Variants in PALLD observed in about 807,000 individuals in gnomAD.
PALLD encodes the protein palladin, cytoskeletal associated protein.
In PALLD, 61 loss-of-function variants were observed where a neutral mutation model predicts 123.5. The ratio of observed to expected loss-of-function variants is 0.49; its 90% confidence interval spans 0.40 to 0.61. PALLD has a LOEUF of 0.61. Ranked by LOEUF, PALLD falls within the 20% of genes least tolerant of loss-of-function variation. The probability of loss-of-function intolerance (pLI) is 0.00; values close to 1 mark genes in which losing one functional copy is unlikely to be tolerated. For synonymous variants in PALLD, 465 were observed against 496.4 expected, an observed-to-expected ratio of 0.94 and a Z score of 0.84; for missense variants, 1,273 against 1,377.0, an observed-to-expected ratio of 0.92 and a Z score of 1.20.
At position 168,556,842 on chromosome 4, in the gene PALLD, C is replaced by T. The variant is rs572137612; in HGVS notation, c.908+44430C>T. On this transcript the variant is annotated intron_variant, in intron 2 of 21. Coordinates refer to ENST00000505667, the MANE Select transcript of PALLD (RefSeq NM_001166108.2). ...CTTTGCCTCTTAGGTGCAGGGTACT[C>T]CATACTCTCGTGACTAAGGCATGAA... Among the ~76,000 whole-genome samples, 7 of 151,730 alleles carry T rather than the reference C, an allele frequency of 4.6e-5. No individual in the cohort carries two copies. In the South Asian group the frequency reaches 6.2e-4, roughly 14 times the overall value.
At position 168,730,479 on chromosome 4, in the gene PALLD, CT is replaced by C. The variant is rs756908348; in HGVS notation, c.1964+18564del. Among the ~76,000 whole-genome samples, 19 of 151,656 alleles carry C rather than the reference CT, an allele frequency of 1.3e-4. 1 individual carries two copies. In the South Asian group the frequency reaches 2.1e-3, roughly 17 times the overall value. On this transcript the variant is annotated intron_variant, in intron 10 of 21. Coordinates refer to ENST00000505667, the MANE Select transcript of PALLD (RefSeq NM_001166108.2). Reference sequence around the variant, plus strand: ...GCATTGTCTCTATTTCTTAAAATTCCTTTTTTTTGTTGTTGTTTTTCTGTGT... The same window carrying C: ...GCATTGTCTCTATTTCTTAAAATTCCTTTTTTTGTTGTTGTTTTTCTGTGT...
rs879411684 is a variant in PALLD at position 168,811,774 on chromosome 4, T to TCACACA, written c.1965-79147_1965-79146insACACAC. ...CTCTCTCTTTCTCTCTCTCTCTCTC[T>TCACACA]CTCACACACACACACACACACACAC... On this transcript the variant is annotated intron_variant, in intron 10 of 21. Transcript: ENST00000505667. Among the ~76,000 whole-genome samples, 399 of 109,472 alleles carry TCACACA rather than the reference T, an allele frequency of 3.6e-3. 4 individuals carry two copies. The East Asian group carries it at 0.047, about 13-fold the overall frequency. 71.8% of individuals were successfully genotyped at this position (109,472 alleles called of 152,430 possible). A position where few individuals can be genotyped will look rare whatever the true frequency, so the allele number is the denominator to read the frequency against.
chr4:168,528,252 G>A (rs1030723543), intron 2 of PALLD, among the ~76,000 whole-genome samples: 1 of 152,130 alleles, frequency 6.6e-6, no homozygotes, highest in African/African-American at 2.4e-5. Context: ...AATTGCTAAG[G>A]ATTACTCACA....
At chr4:168,909,627 G>A (rs1758491554) in intron 15 of PALLD, among the ~76,000 whole-genome samples, 1 of 152,058 alleles carries the variant, frequency 6.6e-6, no homozygotes. Flanking sequence ...TTATTCTTAT[G>A]TTCATAGTAA....
chr4:168,921,771 G>T, intron 18 of PALLD, 30 bp downstream of exon 18: 1 of 1,520,036 alleles, frequency 6.6e-7, no homozygotes, highest in South Asian at 1.1e-5. Flanking sequence ...CTTGCTCTCT[G>T]ACAGAATGAA....
At chr4:168,565,321 T>A (rs1768264209) in intron 2 of PALLD, among the ~76,000 whole-genome samples, 1 of 152,062 alleles carries the variant, frequency 6.6e-6, no homozygotes, top group Non-Finnish European at 1.5e-5. Context: ...CCTCTGGGGA[T>A]ACAAGGGGAT....
At chr4:168,631,670 C>G in intron 2 of PALLD, 22 of 985,470 alleles carry the variant, frequency 2.2e-5, no homozygotes, top group Non-Finnish European at 2.7e-5. Flanking sequence ...GTGGCCGCTG[C>G]GCCGCCAGGA....
At chr4:168,728,903 T>C (rs1196646460) in intron 10 of PALLD, among the ~76,000 whole-genome samples, 2 of 152,186 alleles carry the variant, frequency 1.3e-5, no homozygotes, top group East Asian at 3.9e-4. Flanking sequence ...ATCATTCTTA[T>C]GCCTTTGTGG....
intron 10 of PALLD, among the ~76,000 whole-genome samples, chr4:168,757,349 T>A (rs1404185040): frequency 6.6e-6 from 1 of 152,196 alleles, no homozygotes. Context: ...AAAGGCTAAA[T>A]TGTGAAAAAG....
intron 14 of PALLD, among the ~76,000 whole-genome samples, chr4:168,901,782 C>G (rs750178376): frequency 1.3e-5 from 2 of 152,086 alleles, no homozygotes; most frequent in Non-Finnish European, 2.9e-5. Context: ...CACTTGAACC[C>G]GGGAGGCAGA....
chr4:168,842,901 C>G (rs1746251599), intron 10 of PALLD, among the ~76,000 whole-genome samples: 1 of 152,148 alleles, frequency 6.6e-6, no homozygotes, highest in Non-Finnish European at 1.5e-5. Context: ...AATTATAAGC[C>G]TGTACATAAT....
intron 8 of PALLD, among the ~76,000 whole-genome samples, chr4:168,691,738 C>T (rs920549271): frequency 8.5e-5 from 13 of 152,108 alleles, no homozygotes; most frequent in Admixed American, 7.2e-4. Context: ...AATGGACCCC[C>T]AGGTGTTTCT....
intron 13 of PALLD, among the ~76,000 whole-genome samples, chr4:168,897,499 T>C (rs772781147): frequency 7.2e-5 from 11 of 152,208 alleles, no homozygotes; most frequent in Non-Finnish European, 1.5e-4. Flanking sequence ...CAGGCTTGAG[T>C]GCAGTGGCAC....
intron 18 of PALLD, among the ~76,000 whole-genome samples, 187 bp from the exon 19 acceptor site, chr4:168,924,068 G>A (rs78442642): frequency 2.6e-5 from 4 of 152,226 alleles, no homozygotes; most frequent in Admixed American, 6.5e-5. Flanking sequence ...ATAAATGAGC[G>A]GAATGAAGTA....
At position 168,511,989 on chromosome 4, in the gene PALLD, G is replaced by A; in HGVS notation, c.485G>A (p.Gly162Asp). Reference protein sequence around the residue: ...VKPKTPHQRKGGPQSQLCDKA... With the variant: ...VKPKTPHQRKDGPQSQLCDKA... ...CCCAAAACGCCACATCAAAGAAAGG[G>A]TGGCCCCCAGAGCCAGCTGTGTGAC... The change falls in exon 2 of 22, where the codon GGT becomes GAT. Residue 162 changes from glycine to aspartate, a missense_variant. Gly to Asp is a moderately conservative substitution (Grantham distance 94). Around this residue, in one of 2 missense-constraint regions of PALLD, gnomAD observed 944 missense variants for 954.5 expected, o/e 0.99. Transcript: ENST00000505667. 2 of 1,614,156 alleles carry A rather than the reference G, an allele frequency of 1.2e-6. No homozygotes were observed. Among genetic ancestry groups the A allele is most frequent in the Non-Finnish European group, 1.7e-6 (2 of 1,180,024 alleles).
chr4:168,631,409 C>A (rs766397302), intron 2 of PALLD, among the ~76,000 whole-genome samples: 1 of 152,226 alleles, frequency 6.6e-6, no homozygotes, highest in Non-Finnish European at 1.5e-5. Flanking sequence ...TAGAAATCGC[C>A]GGTGGAACTT....
intron 2 of PALLD, among the ~76,000 whole-genome samples, chr4:168,586,944 A>C (rs577344363): frequency 6.6e-6 from 1 of 152,318 alleles, no homozygotes; most frequent in Non-Finnish European, 1.5e-5. Context: ...AGTAAAAAGG[A>C]AAAGTCTAGT....
At chr4:168,838,453 G>A (rs1211084491) in intron 10 of PALLD, among the ~76,000 whole-genome samples, 1 of 151,936 alleles carries the variant, frequency 6.6e-6, no homozygotes, top group East Asian at 1.9e-4. Flanking sequence ...AGTGGGGAGC[G>A]AGGGTCGGGG....
intron 2 of PALLD, among the ~76,000 whole-genome samples, chr4:168,623,609 A>G (rs1241279032): frequency 6.6e-6 from 1 of 152,240 alleles, no homozygotes; most frequent in African/African-American, 2.4e-5. Flanking sequence ...CCTGTACAAG[A>G]GAGACACACA....
Sources: allele counts gnomAD v4.1 joint callset (sites outside exome capture counted in the v4.1 genomes callset), GRCh38; gene constraint gnomAD v4.1.1; regional missense constraint gnomAD v4.1.1; transcripts MANE v1.5; gene names NCBI Gene and HGNC (gene_info 2026-07-23, HGNC 2026-07-21).